The following OSBP2 variants were observed in gnomAD, a reference collection of about 807,000 sequenced individuals.
OSBP2 encodes the protein oxysterol binding protein 2.
In OSBP2, 66 loss-of-function variants were observed where a neutral mutation model predicts 96.0. That is an observed-to-expected ratio of 0.69 (90% CI 0.56 to 0.84). OSBP2 has a LOEUF of 0.84. OSBP2 is among the 40% of genes least tolerant of loss of function. The pLI is 0.00. For missense variants in OSBP2, 1,038 were observed against 1,222.7 expected (o/e 0.85, Z 2.25); for synonymous variants, 525 against 520.9 (o/e 1.01, Z -0.11).
At chr22:30,780,215 T>G (rs1266833718) in intron 2 of OSBP2, among the ~76,000 whole-genome samples, 2 of 152,246 alleles carry the variant, frequency 1.3e-5, no homozygotes, top group Non-Finnish European at 2.9e-5. Flanking sequence ...TACCATTTCC[T>G]GCACCCCAGT....
chr22:30,785,755 C>G (rs1016223330), intron 2 of OSBP2, among the ~76,000 whole-genome samples: 1 of 152,048 alleles, frequency 6.6e-6, no homozygotes, highest in Non-Finnish European at 1.5e-5. Flanking sequence ...GATTTCCCCC[C>G]TGCTGTTCCA....
At chr22:30,842,333 A>T (rs1030671474) in intron 2 of OSBP2, among the ~76,000 whole-genome samples, 8 of 151,844 alleles carry the variant, frequency 5.3e-5, no homozygotes, top group African/African-American at 1.9e-4. Context: ...ATTACTAACA[A>T]CTTAACAATC....
intron 2 of OSBP2, among the ~76,000 whole-genome samples, chr22:30,809,222 A>G (rs2145854207): frequency 6.6e-6 from 1 of 152,362 alleles, no homozygotes; most frequent in African/African-American, 2.4e-5. Flanking sequence ...GTTCTAGGCC[A>G]TGACATTTTT....
chr22:30,694,218 C>T, upstream of OSBP2: 1 of 1,549,876 alleles, frequency 6.5e-7, no homozygotes, highest in Non-Finnish European at 8.7e-7. Flanking sequence ...AGAACCCGAA[C>T]GATGTCGTCA....
Position 30,906,325 on chromosome 22 carries a change from C to G in OSBP2, c.2737C>G (p.Pro913Ala), listed in dbSNP as rs1345517831. The change falls in exon 14 of 14, where the codon CCC becomes GCC. Residue 913 changes from proline (P) to alanine (A), a missense_variant. This residue lies in a region of OSBP2 where 737 missense variants were observed against 913.3 expected (regional missense o/e 0.81). Transcript: ENST00000332585. ...GGAGAAGCAAGACTGGCATATGTGC[C>G]CCAACATCTTCTGAGCGCCACCCTT... ...AKEKQDWHMC[P>A]NIF is the part of the protein sequence containing the mutation. 1.2e-6 allele frequency: 2 copies of G among 1,609,300 alleles called. No individual in the cohort carries two copies. Among genetic ancestry groups the G allele is most frequent in the South Asian group, 2.2e-5 (2 of 90,544 alleles).
intron 2 of OSBP2, among the ~76,000 whole-genome samples, chr22:30,746,735 G>T (rs867464720): frequency 6.6e-6 from 1 of 151,792 alleles, no homozygotes; most frequent in African/African-American, 2.4e-5. Flanking sequence ...CAGATGATCC[G>T]CCTGCCTTGG....
chr22:30,775,177 C>T (rs2090413950), intron 2 of OSBP2, among the ~76,000 whole-genome samples: 1 of 152,134 alleles, frequency 6.6e-6, no homozygotes, highest in Admixed American at 6.6e-5. Context: ...AACCCTGCAC[C>T]CACTAAGCAG....
At chr22:30,708,296 A>C (rs1331441347) in intron 1 of OSBP2, among the ~76,000 whole-genome samples, 1 of 152,152 alleles carries the variant, frequency 6.6e-6, no homozygotes, top group Non-Finnish European at 1.5e-5. Flanking sequence ...AATTTTAAAC[A>C]ACATATATAA....
intron 2 of OSBP2, among the ~76,000 whole-genome samples, chr22:30,750,900 C>T (rs919606839): frequency 1.3e-5 from 2 of 152,118 alleles, no homozygotes; most frequent in Non-Finnish European, 2.9e-5. Flanking sequence ...TGCCACCATG[C>T]CTGGCTAATT....
intron 8 of OSBP2, among the ~76,000 whole-genome samples, chr22:30,892,157 G>GT (rs1037267983): frequency 2.6e-5 from 4 of 152,108 alleles, no homozygotes; most frequent in African/African-American, 9.7e-5. Flanking sequence ...CGATTTGAAG[G>GT]AAGGGCAGGA....
chr22:30,862,756 A>G (rs2039241714), intron 2 of OSBP2, among the ~76,000 whole-genome samples: 1 of 151,450 alleles, frequency 6.6e-6, no homozygotes, highest in Non-Finnish European at 1.5e-5. Context: ...GGTGGATCAC[A>G]AGGTCAGGCG....
intron 2 of OSBP2, among the ~76,000 whole-genome samples, chr22:30,826,284 C>T (rs551940305): frequency 1.9e-4 from 29 of 152,210 alleles, no homozygotes; most frequent in South Asian, 2.1e-4. Flanking sequence ...AGGACTAAGG[C>T]CTGAAGCAAG....
rs1233136105 is a variant in OSBP2, at chr22:30,904,188, C to T, written c.2376-1649C>T. Among the ~76,000 whole-genome samples the T allele has an allele frequency of 7.2e-5, 11 of 152,192 alleles. No homozygotes were observed. The East Asian group carries it at 1.9e-3, about 27-fold the overall frequency. On this transcript the variant is annotated intron_variant, in intron 12 of 13. Coordinates refer to ENST00000332585, the MANE Select transcript of OSBP2 (RefSeq NM_030758.4). Reference sequence around the variant, plus strand: ...GGTGATGGCAGGGCAGCCTGGGGCGCCCAGTGTAGTGTGCTTAGTAATTGG... The same window carrying T: ...GGTGATGGCAGGGCAGCCTGGGGCGTCCAGTGTAGTGTGCTTAGTAATTGG...
chr22:30,902,884 C>G (rs2040247271), intron 12 of OSBP2: 2 of 284,584 alleles, frequency 7.0e-6, no homozygotes, highest in African/African-American at 4.4e-5. Flanking sequence ...ATACCTGCCA[C>G]TGGCCTCCCC....
At chr22:30,904,595 A>AATATATATATAT (rs531519651) in intron 12 of OSBP2, among the ~76,000 whole-genome samples, 17 of 149,822 alleles carry the variant, frequency 1.1e-4, no homozygotes, top group African/African-American at 3.4e-4. Flanking sequence ...ACATAATTAA[A>AATATATATATAT]ATATATATAT....
At chr22:30,884,205 GTTTC>G (rs1303454108) in intron 3 of OSBP2, among the ~76,000 whole-genome samples, 1 of 152,206 alleles carries the variant, frequency 6.6e-6, no homozygotes, top group South Asian at 2.1e-4. Flanking sequence ...AGATAAGGAG[GTTTC>G]TTTCTTTCCT....
In OSBP2 at chr22:30,890,755, C is replaced by T; in HGVS notation, c.1651C>T (p.Leu551Phe). Residue 551 changes from leucine to phenylalanine, a missense_variant, in exon 8 of 14, where the codon CTC becomes TTC. Physicochemically the swap from Leu to Phe is conservative, Grantham distance 22. Coordinates refer to ENST00000332585, the MANE Select transcript of OSBP2 (RefSeq NM_030758.4). The surrounding 1 kb of genome is among the most constrained non-coding windows in gnomAD (Gnocchi z 4.4). ...PVNFNEPLSMLQRLTEDLEYH... is the reference protein window; with the variant it reads ...PVNFNEPLSMFQRLTEDLEYH... Reference sequence around the variant, plus strand: ...GAACTTCAATGAGCCCCTGTCCATGCTCCAGCGGCTGACAGAGGACCTGGA... The same window carrying T: ...GAACTTCAATGAGCCCCTGTCCATGTTCCAGCGGCTGACAGAGGACCTGGA... 1 of 1,613,072 alleles carries T rather than the reference C, an allele frequency of 6.2e-7. No individual in the cohort carries two copies. The highest frequency in any genetic ancestry group is 8.5e-7 in the Non-Finnish European group (1 of 1,179,948).
chr22:30,807,385 A>G (rs1009516356), intron 2 of OSBP2, among the ~76,000 whole-genome samples: 2 of 152,158 alleles, frequency 1.3e-5, no homozygotes. Flanking sequence ...AATGCCCTTC[A>G]GCCAGGGTGC....
Position 30,754,649 on chromosome 22 carries a change from C to G in OSBP2, c.853+13280C>G, listed in dbSNP as rs557580822. The stretch of plus-strand genomic sequence containing the variant: ...CTTCCCCATGTCCTTTGTGTCACCC[C>G]CGAGGGCTCTCCCTTGGCCTCAGGG... On this transcript the variant is annotated intron_variant, in intron 2 of 13. Coordinates refer to ENST00000332585, the MANE Select transcript of OSBP2 (RefSeq NM_030758.4). Among the ~76,000 whole-genome samples, 9 of 152,312 alleles carry G rather than the reference C, an allele frequency of 5.9e-5. No homozygotes were observed. In the South Asian group the frequency reaches 6.2e-4, roughly 11 times the overall value.
Sources: allele counts gnomAD v4.1 joint callset (sites outside exome capture counted in the v4.1 genomes callset), GRCh38; gene constraint gnomAD v4.1.1; regional missense constraint gnomAD v4.1.1; non-coding constraint Gnocchi (gnomAD v3.1); transcripts MANE v1.5; gene names NCBI Gene and HGNC (gene_info 2026-07-23, HGNC 2026-07-21).